The following TSGA10 variants were observed in gnomAD, a reference collection of about 807,000 sequenced individuals.
The protein encoded by TSGA10 is testis-specific gene 10 protein.
In TSGA10, 43 loss-of-function variants were observed where a neutral mutation model predicts 96.6. The observed-to-expected ratio is 0.44, with a 90% CI of 0.35 to 0.57. The LOEUF (loss-of-function observed/expected upper bound fraction) is 0.57. Among genes scored for constraint, TSGA10 ranks in the 20% least tolerant of loss-of-function variants. The probability of loss-of-function intolerance (pLI) is 0.01; values close to 1 mark genes in which losing one functional copy is unlikely to be tolerated. For missense variants in TSGA10, 703 were observed against 834.4 expected (o/e 0.84, Z 1.94); for synonymous variants, 229 against 269.9 (o/e 0.85, Z 1.48).
At chr2:99,008,463 GA>G (rs2078693986) in intron 20 of TSGA10, among the ~76,000 whole-genome samples, 1 of 152,244 alleles carries the variant, frequency 6.6e-6, no homozygotes, top group African/African-American at 2.4e-5. Flanking sequence ...CACAATAAGA[GA>G]AATGCAAATT....
Position 99,102,106 on chromosome 2 carries a change from G to A in TSGA10, c.611+1861C>T, listed in dbSNP as rs903464425. ...GAGCAGAAAGAAAAGTTAATAAAGC[G>A]ACAAGAAGAGTTAGATAGGGGTTAC... On this transcript the variant is annotated intron_variant, in intron 10 of 20. Coordinates refer to ENST00000393483, the MANE Select transcript of TSGA10 (RefSeq NM_025244.4). 34 of 1,466,538 alleles carry A rather than the reference G, an allele frequency of 2.3e-5. No individual in the cohort carries two copies. The African/African-American group carries it at 2.5e-4, about 11-fold the overall frequency. The allele number at this position is 1,466,538 out of a possible 1,614,324, so 90.8% of individuals were successfully genotyped here. A position where few individuals can be genotyped will look rare whatever the true frequency, so the allele number is the denominator to read the frequency against.
At chr2:99,128,915 T>C (rs1432515513) in intron 1 of TSGA10, among the ~76,000 whole-genome samples, 4 of 152,172 alleles carry the variant, frequency 2.6e-5, no homozygotes, top group South Asian at 2.1e-4. Flanking sequence ...AATTGGCTAA[T>C]TGTTTTAAAT....
rs1275470894 is a variant in TSGA10, at chr2:99,154,829, A to G, written c.-757T>C. 1 of 334,410 alleles carries G rather than the reference A, an allele frequency of 3.0e-6. No individual in the cohort carries two copies. The highest frequency in any genetic ancestry group is 2.2e-5 in the South Asian group (1 of 46,432). The allele number at this position is 334,410 out of a possible 1,614,324, so 20.7% of individuals were successfully genotyped here. A position where few individuals can be genotyped will look rare whatever the true frequency, so the allele number is the denominator to read the frequency against. On this transcript the variant is annotated 5_prime_UTR_variant, in exon 1 of 21. Coordinates refer to ENST00000393483, the MANE Select transcript of TSGA10 (RefSeq NM_025244.4). ...TGGAACCTGGTTCCCGCCCTGAAGG[A>G]CCCTTACTTAGCACTCCTGCGGGCT...
chr2:99,047,572 T>A (rs2082924881), intron 16 of TSGA10, among the ~76,000 whole-genome samples: 1 of 152,162 alleles, frequency 6.6e-6, no homozygotes, highest in Non-Finnish European at 1.5e-5. Flanking sequence ...ATGGGATGTA[T>A]CTCAAAATAA....
intron 16 of TSGA10, among the ~76,000 whole-genome samples, chr2:99,052,736 T>C (rs977829182): frequency 5.3e-5 from 8 of 150,632 alleles, no homozygotes; most frequent in Non-Finnish European, 1.0e-4. Flanking sequence ...AGACTCCATC[T>C]CAATTTAAAA....
rs571617113 is a variant in TSGA10, at chr2:99,123,480, T to C, written c.-492+3568A>G. 1.2e-4 allele frequency among the ~76,000 whole-genome samples: 19 copies of C among 152,308 alleles called. No individual in the cohort carries two copies. In the South Asian group the frequency reaches 2.7e-3, roughly 22 times the overall value. On this transcript the variant is annotated intron_variant, in intron 2 of 20. Transcript: ENST00000393483. ...CCTCTCCTCCATTCTATTGAGAACA[T>C]TGAGCTTTTATTTTCAGTTACTTTA...
chr2:99,097,454 A>C (rs2090189376), intron 10 of TSGA10, among the ~76,000 whole-genome samples: 1 of 152,220 alleles, frequency 6.6e-6, no homozygotes, highest in Admixed American at 6.5e-5. Context: ...ACATGTATGT[A>C]TATGTGTTAT....
At chr2:99,098,432 C>A (rs2090313681) in intron 10 of TSGA10, among the ~76,000 whole-genome samples, 2 of 116,924 alleles carry the variant, frequency 1.7e-5, no homozygotes, top group African/African-American at 3.6e-5. Flanking sequence ...GAGAGAGACT[C>A]TGCCTCAAAA....
At chr2:99,094,003 T>C (rs2089690554) in intron 10 of TSGA10, among the ~76,000 whole-genome samples, 1 of 152,122 alleles carries the variant, frequency 6.6e-6, no homozygotes, top group Admixed American at 6.5e-5. Context: ...CTTCAAACTA[T>C]ACTACAAAGC....
At chr2:99,101,965 C>A in intron 10 of TSGA10, 2 of 841,412 alleles carry the variant, frequency 2.4e-6, no homozygotes, top group Non-Finnish European at 2.0e-6. Flanking sequence ...ATCTGCTTTA[C>A]CACACTGTTC....
intron 10 of TSGA10, 109 bp downstream of exon 10, chr2:99,103,858 T>C: frequency 7.6e-7 from 1 of 1,319,392 alleles, no homozygotes; most frequent in Non-Finnish European, 1.0e-6. Context: ...TTTTCAATAA[T>C]CCTCTCAGAA....
chr2:99,035,141 A>G (rs957435289), intron 17 of TSGA10, 89 bp downstream of exon 17: 3 of 913,434 alleles, frequency 3.3e-6, no homozygotes, highest in Non-Finnish European at 4.9e-6. Flanking sequence ...GATTCATGTA[A>G]TATTACATAA....
chr2:99,134,535 G>C (rs1011069860), intron 1 of TSGA10, among the ~76,000 whole-genome samples: 4 of 152,040 alleles, frequency 2.6e-5, no homozygotes, highest in Admixed American at 2.6e-4. Flanking sequence ...TGCTCCTATA[G>C]CTCAGAGGAG....
chr2:99,011,755 C>G (rs185099196), intron 20 of TSGA10, among the ~76,000 whole-genome samples: 1 of 152,046 alleles, frequency 6.6e-6, no homozygotes, highest in African/African-American at 2.4e-5. Context: ...TATAAGAAAA[C>G]AAATGGGGTA....
chr2:99,062,602 G>A (rs2084821717), intron 16 of TSGA10, among the ~76,000 whole-genome samples: 1 of 152,054 alleles, frequency 6.6e-6, no homozygotes. Context: ...TGGGTGTGGT[G>A]ACTCACACTT....
At chr2:99,046,370 T>G (rs1207530270) in intron 16 of TSGA10, among the ~76,000 whole-genome samples, 2 of 152,120 alleles carry the variant, frequency 1.3e-5, no homozygotes, top group Admixed American at 6.5e-5. Flanking sequence ...TATAACAAAC[T>G]GTCTCTCAGA....
At chr2:99,150,460 G>A (rs185674967) in intron 1 of TSGA10, 2 of 1,256,128 alleles carry the variant, frequency 1.6e-6, no homozygotes, top group Non-Finnish European at 2.2e-6. Flanking sequence ...GCATTCACTT[G>A]TTACTTTTTT....
chr2:99,096,812 G>C (rs2090096707), intron 10 of TSGA10, among the ~76,000 whole-genome samples: 1 of 152,158 alleles, frequency 6.6e-6, no homozygotes, highest in Admixed American at 6.5e-5. Flanking sequence ...ATTGGTCACT[G>C]GTCATGATTT....
intron 16 of TSGA10, among the ~76,000 whole-genome samples, chr2:99,043,798 C>T (rs2082447017): frequency 6.6e-6 from 1 of 152,134 alleles, no homozygotes; most frequent in Non-Finnish European, 1.5e-5. Flanking sequence ...AGCCTACACC[C>T]AGGAGAACTA....
Sources: gnomAD v4.1 joint callset for allele counts (sites outside exome capture counted in the v4.1 genomes callset) on GRCh38, gnomAD v4.1.1 for gene constraint, MANE v1.5 for transcripts, NCBI Gene and HGNC (gene_info 2026-07-23, HGNC 2026-07-21) for gene names.